SOX6: variants seen among roughly 807,000 people sequenced by gnomAD.
The protein encoded by SOX6 is transcription factor SOX-6.
In SOX6, 11 loss-of-function variants were observed where a neutral mutation model predicts 97.8. The ratio of observed to expected loss-of-function variants is 0.11; its 90% CI spans 0.07 to 0.19. The LOEUF is 0.19. Ranked by LOEUF, SOX6 falls within the 10% of genes least tolerant of loss-of-function variation. SOX6 has a pLI of 1.00. For synonymous variants in SOX6, 360 were observed against 371.4 expected (o/e 0.97, Z 0.35); for missense variants, 810 against 1,039.5 (o/e 0.78, Z 3.04).
At chr11:16,104,256 T>A (rs1849019390) in intron 7 of SOX6, among the ~76,000 whole-genome samples, 1 of 152,034 alleles carries the variant, frequency 6.6e-6, no homozygotes, top group Admixed American at 6.6e-5. Context: ...TAGCAGTTCA[T>A]ATCTCTGCTT....
chr11:16,232,826 GC>G (rs752413917), intron 4 of SOX6, among the ~76,000 whole-genome samples: 1 of 152,092 alleles, frequency 6.6e-6, no homozygotes, highest in Non-Finnish European at 1.5e-5. Flanking sequence ...CCATGTTATT[GC>G]AGCTGGATAG....
At chr11:16,017,808 T>G (rs1246124816) in intron 12 of SOX6, among the ~76,000 whole-genome samples, 1 of 152,028 alleles carries the variant, frequency 6.6e-6, no homozygotes, top group Non-Finnish European at 1.5e-5. Flanking sequence ...AGTCCAAATT[T>G]CCACACACTT....
chr11:16,358,143 A>T (rs1857119071), upstream of SOX6, among the ~76,000 whole-genome samples: 1 of 152,152 alleles, frequency 6.6e-6, no homozygotes, highest in Non-Finnish European at 1.5e-5. Flanking sequence ...CTCCCCAAAA[A>T]GGGCCAGAGC....
chr11:16,426,442 C>T (rs1859134458), intron 1 of SOX6, among the ~76,000 whole-genome samples: 1 of 151,934 alleles, frequency 6.6e-6, no homozygotes, highest in African/African-American at 2.4e-5. Flanking sequence ...CAGCATGGTA[C>T]TGGCACAAAA....
intron 4 of SOX6, among the ~76,000 whole-genome samples, chr11:16,553,580 T>A (rs1391864940): frequency 3.6e-5 from 2 of 55,102 alleles, no homozygotes; most frequent in Non-Finnish European, 7.0e-5. Context: ...ATTTTGGCCA[T>A]TTTTTTTTTT....
intron 6 of SOX6, among the ~76,000 whole-genome samples, chr11:16,169,779 C>G (rs1336598174): frequency 6.6e-6 from 1 of 152,000 alleles, no homozygotes; most frequent in East Asian, 1.9e-4. Flanking sequence ...TAGTCTTTCC[C>G]CTCCCCCTCT....
Position 15,973,075 on chromosome 11 carries a change from C to A in SOX6, c.2221G>T (p.Val741Phe). The change falls in exon 16 of 16, where the codon GTT becomes TTT. Residue 741 changes from valine (V) to phenylalanine (F), a missense_variant. Val to Phe is a conservative substitution (Grantham distance 50). Transcript: ENST00000683767. Reference sequence around the variant, plus strand: ...ATAGTGATAGCACCAGGATACACAACACCTGTTCCTGTGGTGATTGGAATC... The same window carrying A: ...ATAGTGATAGCACCAGGATACACAAAACCTGTTCCTGTGGTGATTGGAATC... ...PQIPITTGTG[V>F]VYPGAITMAT... The A allele has an allele frequency of 6.2e-7, 1 of 1,614,160 alleles. No individual in the cohort carries two copies. The highest frequency in any genetic ancestry group is 8.5e-7 in the Non-Finnish European group (1 of 1,180,020).
At chr11:16,590,152 G>T (rs1267649649) in intron 4 of SOX6, among the ~76,000 whole-genome samples, 1 of 152,154 alleles carries the variant, frequency 6.6e-6, no homozygotes, top group Non-Finnish European at 1.5e-5. Flanking sequence ...CTGCCAAAAT[G>T]TTGAAAGACA....
At chr11:16,416,553 T>G (rs1396316260) in intron 1 of SOX6, among the ~76,000 whole-genome samples, 4 of 152,146 alleles carry the variant, frequency 2.6e-5, no homozygotes, top group Non-Finnish European at 5.9e-5. Flanking sequence ...CCCAAATTAT[T>G]TAAATTAAGG....
intron 3 of SOX6, among the ~76,000 whole-genome samples, chr11:16,706,693 G>A (rs1848139393): frequency 6.7e-6 from 1 of 150,128 alleles, no homozygotes; most frequent in Non-Finnish European, 1.5e-5. Context: ...GGGTCTGGAG[G>A]GGGAGAGGAG....
At chr11:16,488,316 A>G (rs1860466658) in intron 4 of SOX6, among the ~76,000 whole-genome samples, 1 of 152,182 alleles carries the variant, frequency 6.6e-6, no homozygotes, top group Admixed American at 6.5e-5. Flanking sequence ...GAAATGTGTA[A>G]AGAGAAGAAA....
intron 6 of SOX6, among the ~76,000 whole-genome samples, chr11:16,176,937 C>T (rs1851203377): frequency 1.3e-5 from 2 of 151,814 alleles, no homozygotes; most frequent in African/African-American, 2.4e-5. Context: ...TCAGTTTCCT[C>T]GTGTAATCTA....
At position 16,610,983 on chromosome 11, in the gene SOX6, G is replaced by A. The variant is rs979830315; in HGVS notation, n.609+1098C>T. On this transcript the variant is annotated intron_variant and non_coding_transcript_variant, in intron 4 of 5. Transcript: ENST00000524520. This position sits in a 1 kb window ranked among gnomAD's most constrained non-coding sequence, Gnocchi z 4.4. ...CCCACGCGGCGCAAGAACCCCGGGC[G>A]CTGAGCTCCGGGGAACCTGGGAGGG... Among the ~76,000 whole-genome samples, 10 of 152,334 alleles carry A rather than the reference G, an allele frequency of 6.6e-5. No individual in the cohort carries two copies. The highest frequency in any genetic ancestry group is 4.1e-4 in the South Asian group (2 of 4,832).
intron 3 of SOX6, among the ~76,000 whole-genome samples, chr11:16,615,871 A>T (rs2133985608): frequency 6.6e-6 from 1 of 152,080 alleles, no homozygotes; most frequent in Admixed American, 6.5e-5. Flanking sequence ...AGAATTTTGG[A>T]ATTTTTTTGA....
At chr11:16,332,483 T>C (rs908226560) in intron 2 of SOX6, among the ~76,000 whole-genome samples, 2 of 152,164 alleles carry the variant, frequency 1.3e-5, no homozygotes, top group Non-Finnish European at 2.9e-5. Flanking sequence ...CTCAGTATAC[T>C]GGGAGTAGAA....
Position 16,706,471 on chromosome 11 carries a change from AATATATATATATATATATAT to A in SOX6, n.429+8339_429+8358del, listed in dbSNP as rs1157835806. On this transcript the variant is annotated intron_variant and non_coding_transcript_variant, in intron 3 of 5. Transcript: ENST00000524520. ...TCACAAAAAAAAAAAAAAAAAAAAAAATATATATATATATATATATATATATATATATATATATATATATA... is the reference window on the plus strand; with the variant it reads ...TCACAAAAAAAAAAAAAAAAAAAAAAATATATATATATATATATATATATA... 4.1e-3 allele frequency among the ~76,000 whole-genome samples: 91 copies of A among 22,204 alleles called. 1 individual carries two copies. Among genetic ancestry groups the A allele is most frequent in the East Asian group, 7.8e-3 (6 of 772 alleles). 14.6% of individuals were successfully genotyped at this position (22,204 alleles called of 152,430 possible). A position where few individuals can be genotyped will look rare whatever the true frequency, so the allele number is the denominator to read the frequency against.
At chr11:16,537,893 A>G (rs1398373387) in intron 4 of SOX6, among the ~76,000 whole-genome samples, 1 of 152,230 alleles carries the variant, frequency 6.6e-6, no homozygotes, top group Non-Finnish European at 1.5e-5. Flanking sequence ...CCAAGTTGGA[A>G]AACACTCTTA....
intron 3 of SOX6, among the ~76,000 whole-genome samples, chr11:16,634,201 A>T (rs1848750744): frequency 6.6e-6 from 1 of 152,172 alleles, no homozygotes; most frequent in South Asian, 2.1e-4. Flanking sequence ...AAAAAGAGAA[A>T]CTTAGGACTG....
At chr11:16,253,542 C>A (rs1853583533) in intron 3 of SOX6, among the ~76,000 whole-genome samples, 1 of 151,768 alleles carries the variant, frequency 6.6e-6, no homozygotes, top group Admixed American at 6.6e-5. Context: ...AAGAAATAAT[C>A]AAAAATAAAG....
Sources: gnomAD v4.1 joint callset for allele counts (sites outside exome capture counted in the v4.1 genomes callset) on GRCh38, gnomAD v4.1.1 for gene constraint, Gnocchi (gnomAD v3.1) non-coding constraint, MANE v1.5 for transcripts, NCBI Gene and HGNC (gene_info 2026-07-23, HGNC 2026-07-21) for gene names.